Variants in WNT9B observed in about 807,000 individuals in gnomAD.
The protein encoded by WNT9B is Wnt family member 9B, also known as protein Wnt-9b.
In WNT9B, 12 loss-of-function variants were observed where a neutral mutation model predicts 30.2. The ratio of observed to expected loss-of-function variants is 0.40; its 90% CI spans 0.26 to 0.64. The LOEUF (loss-of-function observed/expected upper bound fraction) is 0.64. WNT9B is among the 30% of genes least tolerant of loss of function. The probability of loss-of-function intolerance (pLI) is 0.42; values close to 1 mark genes in which losing one functional copy is unlikely to be tolerated. For synonymous variants in WNT9B, 218 were observed against 216.9 expected (o/e 1.01, Z -0.05); for missense variants, 442 against 485.2 (o/e 0.91, Z 0.84).
chr17:46,875,098 C>A lies in WNT9B; in HGVS notation c.335-3C>A. The A allele has an allele frequency of 6.2e-7, 1 of 1,613,672 alleles. No homozygotes were observed. Among genetic ancestry groups the A allele is most frequent in the Non-Finnish European group, 8.5e-7 (1 of 1,180,020 alleles). On this transcript the variant is annotated splice_region_variant and splice_polypyrimidine_tract_variant and intron_variant, in intron 2 of 3. Coordinates refer to ENST00000290015, the MANE Select transcript of WNT9B (RefSeq NM_003396.3). ...TCCCTATGCCCCTGGGTGCCCGATC[C>A]AGGCTTCAAAGAGACAGCTTTCCTG... is the stretch of plus-strand genomic sequence containing the variant.
At chr17:46,874,999 C>A in intron 2 of WNT9B, 102 bp from the exon 3 acceptor site, 1 of 1,580,998 alleles carries the variant, frequency 6.3e-7, no homozygotes, top group Non-Finnish European at 8.7e-7. Flanking sequence ...GCGCTGCCAC[C>A]ACCGCCTCTG....
rs1947647993 is a variant in WNT9B at position 46,863,399 on chromosome 17, C to T, written c.78-9118C>T. 2.0e-5 allele frequency among the ~76,000 whole-genome samples: 3 copies of T among 152,212 alleles called. No homozygotes were observed. The South Asian group carries it at 6.2e-4, about 31-fold the overall frequency. ...GCATCTGGACTGGGAAAGAATGGAT[C>T]TCAGGGTATGAAAAACCATGGCCTC... On this transcript the variant is annotated intron_variant, in intron 1 of 3. Coordinates refer to ENST00000290015, the MANE Select transcript of WNT9B (RefSeq NM_003396.3).
chr17:46,844,837 CTTCT>C (rs2084756501), intron 1 of WNT9B, among the ~76,000 whole-genome samples: 2 of 151,400 alleles, frequency 1.3e-5, no homozygotes, highest in African/African-American at 4.9e-5. Context: ...CTTCCTCTTT[CTTCT>C]TTCTTTCTTT....
chr17:46,858,458 TTTC>T (rs2084976459), intron 1 of WNT9B, among the ~76,000 whole-genome samples: 1 of 151,254 alleles, frequency 6.6e-6, no homozygotes, highest in Non-Finnish European at 1.5e-5. Flanking sequence ...CTTCCTACGT[TTTC>T]TCCTTTTTAT....
chr17:46,862,942 G>GT (rs1256695629), intron 1 of WNT9B, among the ~76,000 whole-genome samples: 1 of 152,244 alleles, frequency 6.6e-6, no homozygotes, highest in African/African-American at 2.4e-5. Flanking sequence ...CTCGCTGGGT[G>GT]TCACCAGGCT....
intron 1 of WNT9B, among the ~76,000 whole-genome samples, chr17:46,836,799 G>A (rs2084637426): frequency 6.6e-6 from 1 of 152,160 alleles, no homozygotes; most frequent in Non-Finnish European, 1.5e-5. Context: ...TGACACACAA[G>A]TATGCTGCTT....
chr17:46,869,512 C>T (rs998413952), intron 1 of WNT9B, among the ~76,000 whole-genome samples: 3 of 152,192 alleles, frequency 2.0e-5, no homozygotes, highest in African/African-American at 7.2e-5. Flanking sequence ...AAAACGAAAA[C>T]AAAAATGAAC....
At chr17:46,862,656 C>G (rs1030217827) in intron 1 of WNT9B, among the ~76,000 whole-genome samples, 1 of 152,122 alleles carries the variant, frequency 6.6e-6, no homozygotes, top group African/African-American at 2.4e-5. Flanking sequence ...GATCTTAGCT[C>G]ACTACAACCT....
rs533922035 is a variant in WNT9B at position 46,867,698 on chromosome 17, G to A, written c.78-4819G>A. On this transcript the variant is annotated intron_variant, in intron 1 of 3. Transcript: ENST00000290015. ...GGCAGCTTTAGCCACAATTGTGGGT[G>A]GGGTGTGTGTTGGAGAGTGTGAAAG... Among the ~76,000 whole-genome samples, 4 of 151,762 alleles carry A rather than the reference G, an allele frequency of 2.6e-5. No homozygotes were observed. The East Asian group carries it at 7.7e-4, about 29-fold the overall frequency.
chr17:46,861,451 A>C (rs2085036387), intron 1 of WNT9B, among the ~76,000 whole-genome samples: 1 of 151,516 alleles, frequency 6.6e-6, no homozygotes, highest in South Asian at 2.1e-4. Context: ...TCACTCCTTC[A>C]TCTTCTGCCT....
intron 1 of WNT9B, among the ~76,000 whole-genome samples, chr17:46,871,231 A>G (rs557146966): frequency 6.6e-6 from 1 of 152,218 alleles, no homozygotes; most frequent in East Asian, 1.9e-4. Context: ...TACCCTGGCT[A>G]TGAGGCCAGG....
At chr17:46,862,845 G>C (rs1364886977) in intron 1 of WNT9B, among the ~76,000 whole-genome samples, 1 of 152,162 alleles carries the variant, frequency 6.6e-6, no homozygotes, top group Non-Finnish European at 1.5e-5. Flanking sequence ...CGGCCTCCCA[G>C]AGTGCTGGGA....
chr17:46,881,424 T>C (rs1022427666), downstream of WNT9B, among the ~76,000 whole-genome samples: 1 of 152,238 alleles, frequency 6.6e-6, no homozygotes, highest in Admixed American at 6.5e-5. Context: ...TTTTCTCTCT[T>C]GAACCTCACA....
intron 2 of WNT9B, chr17:46,874,858 A>G: frequency 1.6e-6 from 1 of 638,294 alleles, no homozygotes; most frequent in East Asian, 2.8e-5. Flanking sequence ...GATTAGGGGC[A>G]CGAGCCACTG....
In WNT9B at chr17:46,876,283, T is replaced by C; in HGVS notation, c.639T>C (p.His213=). 1 of 1,613,898 alleles carries C rather than the reference T, an allele frequency of 6.2e-7. No individual in the cohort carries two copies. The highest frequency in any genetic ancestry group is 8.5e-7 in the Non-Finnish European group (1 of 1,179,854). ...KSGLRTTCKC[H]GVSGSCAVRT... The stretch of plus-strand genomic sequence containing the variant: ...GCCTCAGGACCACGTGTAAGTGCCA[T>C]GGCGTATCAGGCTCCTGTGCCGTGC... Residue 213 remains histidine, a synonymous_variant, in exon 4 of 4, where the codon CAT becomes CAC. Coordinates refer to ENST00000290015, the MANE Select transcript of WNT9B (RefSeq NM_003396.3).
Position 46,833,385 on chromosome 17 carries a change from C to T in WNT9B, c.40C>T (p.Gln14Ter). 1 of 518,550 alleles carries T rather than the reference C, an allele frequency of 1.9e-6. No individual in the cohort carries two copies. The highest frequency in any genetic ancestry group is 3.9e-6 in the Non-Finnish European group (1 of 259,718). The allele number at this position is 518,550 out of a possible 1,614,324, so 32.1% of individuals were successfully genotyped here. ...AGTTTCTTTTGATCCTCTGGCATGCCAAGGCCTGAATGCCAGTCCTGGGAG... is the reference window on the plus strand; with the variant it reads ...AGTTTCTTTTGATCCTCTGGCATGCTAAGGCCTGAATGCCAGTCCTGGGAG... The change falls in exon 1 of 3, where the codon CAA becomes TAA. Residue 14 changes from glutamine (Q) to a stop codon, truncating the protein, a stop_gained. Transcript: ENST00000575372. LOFTEE classifies it high-confidence loss of function.
Position 46,868,547 on chromosome 17 carries a change from A to G in WNT9B, c.78-3970A>G, listed in dbSNP as rs531580465. Among the ~76,000 whole-genome samples, 1,229 of 152,278 alleles carry G rather than the reference A, an allele frequency of 8.1e-3. 16 individuals are homozygous for G. Among genetic ancestry groups the G allele is most frequent in the African/African-American group, 0.028 (1,148 of 41,568 alleles). On this transcript the variant is annotated intron_variant, in intron 1 of 3. Transcript: ENST00000290015. Reference sequence around the variant, plus strand: ...GGAGGCAGAGGTTGCAGTGAGCCGAAATCTCAGCACTGCACTCCAGCCTGG... The same window carrying G: ...GGAGGCAGAGGTTGCAGTGAGCCGAGATCTCAGCACTGCACTCCAGCCTGG...
chr17:46,856,106 C>T (rs1256723728), intron 1 of WNT9B, among the ~76,000 whole-genome samples: 4 of 152,256 alleles, frequency 2.6e-5, no homozygotes, highest in African/African-American at 9.6e-5. Context: ...GACCTCTGCA[C>T]TGGTTGAGTT....
intron 1 of WNT9B, among the ~76,000 whole-genome samples, chr17:46,846,487 T>C (rs2084777531): frequency 6.6e-6 from 1 of 152,162 alleles, no homozygotes; most frequent in Admixed American, 6.5e-5. Context: ...ACAGTGTATA[T>C]CAACATAGGC....
Sources: gnomAD v4.1 joint callset for allele counts (sites outside exome capture counted in the v4.1 genomes callset) on GRCh38, gnomAD v4.1.1 for gene constraint, MANE v1.5 for transcripts, NCBI Gene and HGNC (gene_info 2026-07-23, HGNC 2026-07-21) for gene names.